Variants in GRID2 observed in about 807,000 individuals in gnomAD.
The protein encoded by GRID2 is glutamate receptor ionotropic, delta-2.
A neutral mutation model predicts 114.8 loss-of-function variants in GRID2; 33 were observed. The observed-to-expected ratio is 0.29, with a 90% CI of 0.22 to 0.38. The LOEUF is 0.38. Ranked by LOEUF, GRID2 falls within the 10% of genes least tolerant of loss-of-function variation. The pLI, the probability that GRID2 is intolerant of heterozygous loss-of-function variation, is 1.00. For missense variants in GRID2, 1,184 were observed against 1,257.7 expected, an observed-to-expected ratio of 0.94 and a Z score of 0.89; for synonymous variants, 505 against 449.9, an observed-to-expected ratio of 1.12 and a Z score of -1.55.
intron 6 of GRID2, 74 bp from the exon 7 acceptor site, chr4:93,224,540 A>T (rs1292689548): frequency 1.1e-6 from 1 of 923,076 alleles, no homozygotes; most frequent in Non-Finnish European, 1.7e-6. Context: ...AGCAGTTGAG[A>T]CAATTATTTT....
chr4:93,126,584 CTTTTTTTTTTTTTTTTT>C lies in GRID2; in HGVS notation c.735+15646_735+15662del, dbSNP rs60017147. Among the ~76,000 whole-genome samples the C allele has an allele frequency of 1.5e-3, 79 of 52,760 alleles. 2 individuals are homozygous for C. The South Asian group carries it at 0.061, about 41-fold the overall frequency. The allele number at this position is 52,760 out of a possible 152,430, so 34.6% of individuals were successfully genotyped here. A position where few individuals can be genotyped will look rare whatever the true frequency, so the allele number is the denominator to read the frequency against. ...GACAGTCATTGATAACTATTTAATT[CTTTTTTTTTTTTTTTTT>C]TTTTTTTTTTTTTTGAGACGGAGTC... On this transcript the variant is annotated intron_variant, in intron 4 of 15. Coordinates refer to ENST00000282020, the MANE Select transcript of GRID2 (RefSeq NM_001510.4).
intron 2 of GRID2, among the ~76,000 whole-genome samples, chr4:92,848,030 T>C (rs147205560): frequency 6.9e-4 from 105 of 152,114 alleles, no homozygotes; most frequent in African/African-American, 2.5e-3. Flanking sequence ...CACTTTACAC[T>C]TATCTTACTA....
intron 4 of GRID2, among the ~76,000 whole-genome samples, chr4:93,175,728 C>T (rs1739292961): frequency 6.6e-6 from 1 of 152,090 alleles, no homozygotes; most frequent in Non-Finnish European, 1.5e-5. Context: ...TTGTAGATGT[C>T]AGAAATCTTT....
At chr4:93,025,110 A>T (rs1723762544) in intron 2 of GRID2, among the ~76,000 whole-genome samples, 1 of 151,124 alleles carries the variant, frequency 6.6e-6, no homozygotes, top group Non-Finnish European at 1.5e-5. Flanking sequence ...GTAAAGAAAG[A>T]GGAGGGAGGG....
At chr4:92,812,826 T>A (rs2149380258) in intron 2 of GRID2, among the ~76,000 whole-genome samples, 1 of 152,270 alleles carries the variant, frequency 6.6e-6, no homozygotes, top group Non-Finnish European at 1.5e-5. Flanking sequence ...ATTTGCTACT[T>A]CTTGAAGGTG....
intron 9 of GRID2, among the ~76,000 whole-genome samples, chr4:93,416,730 A>G (rs1226241297): frequency 6.6e-6 from 1 of 152,098 alleles, no homozygotes; most frequent in Non-Finnish European, 1.5e-5. Context: ...TCAACTAAGC[A>G]TTTATCATGA....
At chr4:92,577,578 G>T (rs1579614934) in intron 1 of GRID2, among the ~76,000 whole-genome samples, 3 of 152,300 alleles carry the variant, frequency 2.0e-5, no homozygotes, top group South Asian at 4.1e-4. Context: ...TAATGGAAGA[G>T]TAACTGTTTG....
chr4:92,423,253 A>G (rs1477827558), intron 1 of GRID2, among the ~76,000 whole-genome samples: 1 of 152,156 alleles, frequency 6.6e-6, no homozygotes. Flanking sequence ...TAAAAAAGCA[A>G]ATGGAGTTAA....
intron 13 of GRID2, among the ~76,000 whole-genome samples, chr4:93,581,000 G>T (rs144011738): frequency 0.037 from 5,618 of 151,790 alleles, 349 homozygotes; most frequent in African/African-American, 0.13. Flanking sequence ...GAACATGCGG[G>T]TTTGTTATAT....
intron 1 of GRID2, among the ~76,000 whole-genome samples, chr4:92,468,275 C>G (rs1026147911): frequency 6.6e-6 from 1 of 151,826 alleles, no homozygotes; most frequent in South Asian, 2.1e-4. Context: ...TTTTTACTAG[C>G]TGAATTTTTC....
chr4:93,031,025 A>C (rs1446192095), intron 2 of GRID2, among the ~76,000 whole-genome samples: 2 of 144,090 alleles, frequency 1.4e-5, no homozygotes, highest in Non-Finnish European at 3.0e-5. Flanking sequence ...TACATGATCC[A>C]ATCTCCATTT....
chr4:93,448,569 A>T (rs1722315625), intron 10 of GRID2, among the ~76,000 whole-genome samples: 1 of 152,012 alleles, frequency 6.6e-6, no homozygotes, highest in South Asian at 2.1e-4. Context: ...TAAGTACTTT[A>T]TTACAAATAG....
intron 13 of GRID2, among the ~76,000 whole-genome samples, chr4:93,526,714 C>T: frequency 6.6e-6 from 1 of 152,264 alleles, no homozygotes; most frequent in East Asian, 1.9e-4. Context: ...GAAGCTGAGG[C>T]AGAAGAATCA....
At chr4:92,641,993 T>C (rs1429293138) in intron 2 of GRID2, among the ~76,000 whole-genome samples, 2 of 151,436 alleles carry the variant, frequency 1.3e-5, no homozygotes. Context: ...TAGTATTAGA[T>C]GTTGTATATG....
At chr4:92,970,325 C>A (rs1466447691) in intron 2 of GRID2, among the ~76,000 whole-genome samples, 1 of 151,808 alleles carries the variant, frequency 6.6e-6, no homozygotes, top group Non-Finnish European at 1.5e-5. Context: ...TCTTCAATCA[C>A]CAAAGCAAAA....
At chr4:93,591,066 G>A (rs1222854168) in intron 13 of GRID2, among the ~76,000 whole-genome samples, 1 of 147,654 alleles carries the variant, frequency 6.8e-6, no homozygotes, top group Non-Finnish European at 1.5e-5. Flanking sequence ...CTGCCTAATT[G>A]CCCTGGCCAG....
intron 2 of GRID2, among the ~76,000 whole-genome samples, chr4:92,807,663 G>C (rs752291840): frequency 6.6e-6 from 1 of 151,986 alleles, no homozygotes; most frequent in Non-Finnish European, 1.5e-5. Flanking sequence ...CCCTCAAATT[G>C]TAAGTGAAAG....
At chr4:92,639,843 T>A (rs1731258579) in intron 2 of GRID2, among the ~76,000 whole-genome samples, 1 of 151,828 alleles carries the variant, frequency 6.6e-6, no homozygotes, top group African/African-American at 2.4e-5. Flanking sequence ...AGATTACATA[T>A]GTAAAGCACT....
chr4:93,769,894 C>G (rs1042398064), intron 15 of GRID2, among the ~76,000 whole-genome samples: 9 of 152,150 alleles, frequency 5.9e-5, no homozygotes, highest in Admixed American at 3.3e-4. Flanking sequence ...AGAATTTTCT[C>G]TTCACCACTA....
Sources: allele counts gnomAD v4.1 joint callset (sites outside exome capture counted in the v4.1 genomes callset), GRCh38; gene constraint gnomAD v4.1.1; transcripts MANE v1.5; gene names NCBI Gene and HGNC (gene_info 2026-07-23, HGNC 2026-07-21).